Variants in PHKA1 observed in about 807,000 individuals in gnomAD.
The protein encoded by PHKA1 is phosphorylase kinase regulatory subunit alpha 1.
PHKA1 carries 60 observed loss-of-function variants against 110.2 expected under a neutral mutation model. That is an observed-to-expected ratio of 0.54 (90% confidence interval 0.44 to 0.68). The LOEUF is 0.68. PHKA1 is among the 30% of genes least tolerant of loss of function. The pLI is 0.00. For synonymous variants in PHKA1, 316 were observed against 333.6 expected (o/e 0.95, Z 0.58); for missense variants, 801 against 942.5 (o/e 0.85, Z 1.97).
At chrX:72,682,328 GGAGGGAGGTGGGGGGGT>G in intron 5 of PHKA1, among the ~76,000 whole-genome samples, 2 of 107,957 alleles carry the variant, frequency 1.9e-5, no homozygotes, top group East Asian at 3.1e-4. Context: ...GCCCCGTCCG[GGAGGGAGGTGGGGGGGT>G]CAGCCCCCTG....
intron 14 of PHKA1, among the ~76,000 whole-genome samples, chrX:72,638,205 C>T (rs1453538110): frequency 5.6e-5 from 6 of 107,593 alleles, no homozygotes; most frequent in African/African-American, 2.0e-4. Context: ...TTTTCTTTGC[C>T]AATTTGGATG....
intron 29 of PHKA1, among the ~76,000 whole-genome samples, chrX:72,587,695 G>A (rs2052453474): frequency 2.7e-5 from 3 of 111,301 alleles, no homozygotes; most frequent in South Asian, 3.8e-4. Flanking sequence ...CCCATCTCTT[G>A]TGCAGAGACA....
At chrX:72,588,543 C>A (rs1556218856) in intron 29 of PHKA1, among the ~76,000 whole-genome samples, 2 of 111,271 alleles carry the variant, frequency 1.8e-5, no homozygotes, top group African/African-American at 6.6e-5. Flanking sequence ...CAAACAAATG[C>A]AAAAGCTAGC....
In PHKA1 at chrX:72,599,922, T is replaced by C. The variant is rs1249946851; in HGVS notation, c.3072+2069A>G. ...TAAAAGATATGAGGCCAGGAAACAA[T>C]TATTTGTACTTTTAAGTCACTAGTG... On this transcript the variant is annotated intron_variant, in intron 28 of 31. Coordinates refer to ENST00000373542, the MANE Select transcript of PHKA1 (RefSeq NM_002637.4). The C allele has an allele frequency of 9.9e-6, 5 of 503,416 alleles. No homozygotes were observed. In the African/African-American group the frequency reaches 1.2e-4, roughly 12 times the overall value. 41.5% of individuals were successfully genotyped at this position (503,416 alleles called of 1,213,427 possible).
intron 3 of PHKA1, among the ~76,000 whole-genome samples, chrX:72,699,007 A>G (rs1406271090): frequency 4.5e-5 from 5 of 111,792 alleles, no homozygotes; most frequent in African/African-American, 1.3e-4. Context: ...TTGCAGAAAA[A>G]CTGGTCATAA....
In PHKA1 at chrX:72,580,449, G is replaced by A. The variant is rs782055740; in HGVS notation, c.*553C>T. 117 of 117,056 alleles carry A rather than the reference G, an allele frequency of 1.0e-3. No homozygotes were observed. The highest frequency in any genetic ancestry group is 2.0e-3 in the Non-Finnish European group (112 of 56,235). 9.6% of individuals were successfully genotyped at this position (117,056 alleles called of 1,213,427 possible). On this transcript the variant is annotated 3_prime_UTR_variant, in exon 32 of 32. Coordinates refer to ENST00000373542, the MANE Select transcript of PHKA1 (RefSeq NM_002637.4). ...TCACTCAGTGTGAAGCAACCTGTAA[G>A]TAAGGAAGAAAACCATGATCCAGTA...
At chrX:72,675,002 G>C (rs1243374427) in intron 6 of PHKA1, among the ~76,000 whole-genome samples, 1 of 105,963 alleles carries the variant, frequency 9.4e-6, no homozygotes, top group Non-Finnish European at 1.9e-5. Flanking sequence ...TCGTCAACAT[G>C]GCAAAACCCT....
chrX:72,590,348 G>A (rs2052501182), intron 29 of PHKA1, among the ~76,000 whole-genome samples: 1 of 111,801 alleles, frequency 8.9e-6, no homozygotes, highest in Admixed American at 9.5e-5. Context: ...TTAATAAATG[G>A]TGCTGGGAAA....
intron 8 of PHKA1, among the ~76,000 whole-genome samples, chrX:72,665,633 A>G (rs1477323709): frequency 3.6e-5 from 4 of 111,981 alleles, no homozygotes; most frequent in Non-Finnish European, 5.6e-5. Context: ...CCTCAACAAA[A>G]TACTGTCAAA....
chrX:72,614,033 T>C (rs782174386), intron 21 of PHKA1, among the ~76,000 whole-genome samples: 2 of 112,147 alleles, frequency 1.8e-5, no homozygotes, highest in East Asian at 5.6e-4. Flanking sequence ...TGTTCTTTTC[T>C]ATAAAGACAC....
In PHKA1 at chrX:72,580,908, G is replaced by T; in HGVS notation, c.*94C>A. Reference sequence around the variant, plus strand: ...GATGGGACAGAAAGGGGCAGGGTTGGAGTGATTAGGCAATAACATTTTAGT... The same window carrying T: ...GATGGGACAGAAAGGGGCAGGGTTGTAGTGATTAGGCAATAACATTTTAGT... On this transcript the variant is annotated 3_prime_UTR_variant, in exon 32 of 32. Transcript: ENST00000373542. 1.3e-6 allele frequency: 1 copy of T among 795,873 alleles called. No homozygotes were observed. The highest frequency in any genetic ancestry group is 1.9e-6 in the Non-Finnish European group (1 of 533,249). The allele number at this position is 795,873 out of a possible 1,213,427, so 65.6% of individuals were successfully genotyped here.
intron 28 of PHKA1, chrX:72,599,931 C>A (rs1278879251): frequency 4.0e-6 from 2 of 495,128 alleles, no homozygotes; most frequent in African/African-American, 4.7e-5. Context: ...ATTATTTGTA[C>A]TTTTAAGTCA....
In PHKA1 at chrX:72,670,038, T is replaced by A. The variant is rs377717765; in HGVS notation, c.619-2565A>T. On this transcript the variant is annotated intron_variant, in intron 6 of 31. Coordinates refer to ENST00000373542, the MANE Select transcript of PHKA1 (RefSeq NM_002637.4). ...CCTATTTCTCCACATCCTCTCCAGC[T>A]CCTGTTGTTTCCTAACTTTTTAATG... Among the ~76,000 whole-genome samples the A allele has an allele frequency of 3.7e-3, 411 of 111,229 alleles. 1 individual carries two copies. Among genetic ancestry groups the A allele is most frequent in the African/African-American group, 0.013 (400 of 30,568 alleles).
chrX:72,696,577 G>A (rs1482225785), intron 3 of PHKA1, among the ~76,000 whole-genome samples: 2 of 111,516 alleles, frequency 1.8e-5, no homozygotes, highest in African/African-American at 3.3e-5. Context: ...CAGTTGTGGG[G>A]CGTTGCTTTG....
chrX:72,705,402 A>T (rs1327300390), intron 2 of PHKA1, among the ~76,000 whole-genome samples, 157 bp from the exon 3 acceptor site: 1 of 112,394 alleles, frequency 8.9e-6, no homozygotes, highest in African/African-American at 3.2e-5. Context: ...ACAGAAGAGC[A>T]GATTACAGCT....
At chrX:72,682,345 T>A (rs1308453841) in intron 5 of PHKA1, among the ~76,000 whole-genome samples, 2 of 87,421 alleles carry the variant, frequency 2.3e-5, no homozygotes, top group Admixed American at 1.3e-4. Context: ...GGTGGGGGGG[T>A]CAGCCCCCTG....
intron 6 of PHKA1, among the ~76,000 whole-genome samples, chrX:72,673,399 C>A (rs1556310040): frequency 9.0e-6 from 1 of 111,630 alleles, no homozygotes; most frequent in Non-Finnish European, 1.9e-5. Context: ...TATAGGAATT[C>A]TTTGTACAAT....
rs4825959 is a variant in PHKA1, at chrX:72,638,742, T to G, written c.1460-2356A>C. 0.064 allele frequency among the ~76,000 whole-genome samples: 7,135 copies of G among 111,530 alleles called. 804 individuals are homozygous for G. The East Asian group carries it at 0.67, about 11-fold the overall frequency. On this transcript the variant is annotated intron_variant, in intron 14 of 31. Coordinates refer to ENST00000373542, the MANE Select transcript of PHKA1 (RefSeq NM_002637.4). ...TAGTCCATTCTTTAGGGGTTTCAAC[T>G]GAAAGCCCAAGGTGTTTATCACAGC...
chrX:72,596,122 G>A (rs1392034260), intron 28 of PHKA1, among the ~76,000 whole-genome samples: 1 of 111,797 alleles, frequency 8.9e-6, no homozygotes, highest in Admixed American at 9.5e-5. Context: ...CTTTAAAAAC[G>A]AAGGAAATTT....
Sources: gnomAD v4.1 joint callset for allele counts (sites outside exome capture counted in the v4.1 genomes callset) on GRCh38, gnomAD v4.1.1 for gene constraint, MANE v1.5 for transcripts, NCBI Gene and HGNC (gene_info 2026-07-23, HGNC 2026-07-21) for gene names.